RIGI: variants seen among roughly 807,000 people sequenced by gnomAD.
RIGI encodes antiviral innate immune response receptor RIG-I.
chr9:32,466,223 A>G, the RIGI span: 1 of 1,534,508 alleles, frequency 6.5e-7, no homozygotes, highest in African/African-American at 1.4e-5. Context: ...AAAAGATACC[A>G]ACCATCCTCC....
chr9:32,487,063 G>T, the RIGI span, among the ~76,000 whole-genome samples: 1 of 152,146 alleles, frequency 6.6e-6, no homozygotes, highest in Non-Finnish European at 1.5e-5. Context: ...GTGACATCAT[G>T]AATTCAGATC....
the RIGI span, among the ~76,000 whole-genome samples, chr9:32,491,087 T>G: frequency 6.6e-6 from 1 of 152,088 alleles, no homozygotes; most frequent in Non-Finnish European, 1.5e-5. Flanking sequence ...AAAAAAAAGA[T>G]AGTAAAAGAA....
chr9:32,479,044 C>G, the RIGI span, among the ~76,000 whole-genome samples: 1 of 152,138 alleles, frequency 6.6e-6, no homozygotes, highest in Admixed American at 6.6e-5. Context: ...CCAACATACA[C>G]CTTTGTTGTT....
the RIGI span, among the ~76,000 whole-genome samples, chr9:32,508,354 T>C: frequency 0.02 from 2,980 of 147,574 alleles, 107 homozygotes; most frequent in African/African-American, 0.07. Context: ...CACAGAGAGA[T>C]CAACACAGAA....
the RIGI span, among the ~76,000 whole-genome samples, chr9:32,461,976 C>T: frequency 1.3e-5 from 2 of 152,116 alleles, no homozygotes; most frequent in Non-Finnish European, 2.9e-5. Context: ...AAGAGCATGG[C>T]ATTTCTTTTA....
At chr9:32,480,976 T>C in the RIGI span, among the ~76,000 whole-genome samples, 3 of 152,330 alleles carry the variant, frequency 2.0e-5, no homozygotes, top group African/African-American at 4.8e-5. Context: ...CTTCAGGACA[T>C]AGCAACAGAA....
At chr9:32,513,210 G>GA in the RIGI span, among the ~76,000 whole-genome samples, 3 of 151,960 alleles carry the variant, frequency 2.0e-5, no homozygotes, top group South Asian at 6.2e-4. Flanking sequence ...CACAGAATTG[G>GA]AAAAAACTAC....
chr9:32,466,497 CT>C, the RIGI span: 3 of 1,460,142 alleles, frequency 2.1e-6, no homozygotes, highest in Admixed American at 7.4e-5. Flanking sequence ...CTGATATAAT[CT>C]GCAAATAGGT....
At chr9:32,492,350 C>T in the RIGI span, 5 of 1,607,226 alleles carry the variant, frequency 3.1e-6, no homozygotes, top group Admixed American at 1.7e-5. Flanking sequence ...TTGGAATGAG[C>T]GAGTCCTAAG....
the RIGI span, among the ~76,000 whole-genome samples, chr9:32,459,833 A>G: frequency 4.3e-4 from 66 of 152,022 alleles, no homozygotes; most frequent in East Asian, 9.7e-4. Context: ...AAAACTTGGG[A>G]AAAAAAACAA....
At chr9:32,491,269 C>A in the RIGI span, 3 of 1,609,306 alleles carry the variant, frequency 1.9e-6, no homozygotes, top group Non-Finnish European at 2.5e-6. Flanking sequence ...AGAAGAGCAC[C>A]ATTATGGAAA....
At chr9:32,510,325 G>A in the RIGI span, among the ~76,000 whole-genome samples, 1 of 152,110 alleles carries the variant, frequency 6.6e-6, no homozygotes, top group African/African-American at 2.4e-5. Context: ...AAAATGTTAG[G>A]TGCAGCCAGA....
At chr9:32,519,005 C>G in the RIGI span, among the ~76,000 whole-genome samples, 1 of 152,190 alleles carries the variant, frequency 6.6e-6, no homozygotes, top group Non-Finnish European at 1.5e-5. Context: ...CCACCACGCC[C>G]AGCCTAAAGT....
At chr9:32,460,810 C>G in the RIGI span, among the ~76,000 whole-genome samples, 1 of 151,860 alleles carries the variant, frequency 6.6e-6, no homozygotes, top group Admixed American at 6.6e-5. Context: ...ACCCGTAGGA[C>G]TATAAAAAAT....
At chr9:32,491,175 C>CT in the RIGI span, 1 of 1,059,738 alleles carries the variant, frequency 9.4e-7, no homozygotes, top group South Asian at 1.5e-5. Context: ...CATAAATTCT[C>CT]TTTACTTTCT....
the RIGI span, among the ~76,000 whole-genome samples, chr9:32,473,418 C>A: frequency 6.6e-6 from 1 of 151,304 alleles, no homozygotes; most frequent in South Asian, 2.1e-4. Context: ...TCCCGAGTAG[C>A]TGGGATTACA....
the RIGI span, among the ~76,000 whole-genome samples, chr9:32,507,815 T>C: frequency 2.0e-5 from 3 of 152,008 alleles, no homozygotes; most frequent in Admixed American, 2.0e-4. Flanking sequence ...CTGGCCCCCA[T>C]TTTTATTTTT....
At chr9:32,485,288 G>T in the RIGI span, 1 of 1,478,954 alleles carries the variant, frequency 6.8e-7, no homozygotes, top group Non-Finnish European at 9.2e-7. Flanking sequence ...AACTAGAGAC[G>T]TCAAAAAAAA....
At chr9:32,521,139 C>CATAAAAAAAAAAAA in the RIGI span, among the ~76,000 whole-genome samples, 1 of 32,776 alleles carries the variant, frequency 3.1e-5, no homozygotes, top group Non-Finnish European at 5.6e-5. Context: ...GACACCATCT[C>CATAAAAAAAAAAAA]AAAAAAAAAA....
Sources: gnomAD v4.1 joint callset for allele counts (sites outside exome capture counted in the v4.1 genomes callset) on GRCh38, gnomAD v4.1.1 for gene constraint, MANE v1.5 for transcripts, NCBI Gene and HGNC (gene_info 2026-07-23, HGNC 2026-07-21) for gene names.